XRN2: variants seen among roughly 807,000 people sequenced by gnomAD.
XRN2 encodes the protein 5'-3' exoribonuclease 2, also known as DHM1-like protein.
Under a neutral mutation model 138.5 loss-of-function variants are expected in XRN2, and 44 were observed. That is an observed-to-expected ratio of 0.32 (90% CI 0.25 to 0.41). The LOEUF (loss-of-function observed/expected upper bound fraction) is 0.41. Among genes scored for constraint, XRN2 ranks in the 10% least tolerant of loss-of-function variants. XRN2 has a pLI of 1.00. For missense variants in XRN2, 937 were observed against 1,169.3 expected (o/e 0.80, Z 2.90); for synonymous variants, 354 against 369.4 (o/e 0.96, Z 0.48).
rs1300235627 is a variant in XRN2, at chr20:21,389,365, T to C, written c.*27T>C. 4 of 1,596,956 alleles carry C rather than the reference T, an allele frequency of 2.5e-6. No homozygotes were observed. The highest frequency in any genetic ancestry group is 3.4e-6 in the Non-Finnish European group (4 of 1,170,554). On this transcript the variant is annotated 3_prime_UTR_variant, in exon 30 of 30. Coordinates refer to ENST00000377191, the MANE Select transcript of XRN2 (RefSeq NM_012255.5). ...CTTTTGTAAAGCTTTCCCAAATCCT[T>C]TCATCATTCTACAGTTTTATGCTAT...
At chr20:21,366,365 G>A (rs1448009188) in intron 26 of XRN2, among the ~76,000 whole-genome samples, 2 of 149,616 alleles carry the variant, frequency 1.3e-5, no homozygotes, top group South Asian at 2.1e-4. Flanking sequence ...GGCTAACACA[G>A]TGAAACCCCG....
At chr20:21,375,126 C>T (rs2038806288) in intron 27 of XRN2, among the ~76,000 whole-genome samples, 1 of 142,124 alleles carries the variant, frequency 7.0e-6, no homozygotes, top group African/African-American at 2.6e-5. Context: ...AAATTAAGTG[C>T]TGATACTGGT....
At chr20:21,329,784 G>A (rs1416802788) in intron 4 of XRN2, among the ~76,000 whole-genome samples, 1 of 150,582 alleles carries the variant, frequency 6.6e-6, no homozygotes, top group African/African-American at 2.4e-5. Flanking sequence ...TGATGAACTC[G>A]GCATTTTAAA....
Position 21,389,447 on chromosome 20 carries a change from G to C in XRN2, c.*109G>C. The C allele has an allele frequency of 9.9e-7, 1 of 1,009,326 alleles. No homozygotes were observed. Among genetic ancestry groups the C allele is most frequent in the Non-Finnish European group, 1.4e-6 (1 of 695,634 alleles). 62.5% of individuals were successfully genotyped at this position (1,009,326 alleles called of 1,614,324 possible). A position where few individuals can be genotyped will look rare whatever the true frequency, so the allele number is the denominator to read the frequency against. On this transcript the variant is annotated 3_prime_UTR_variant, in exon 30 of 30. Transcript: ENST00000377191. ...TTTTAATAAAACTACAGTACTTTGT[G>C]TATTTCTTTTAACTGTGTATATTTC...
chr20:21,365,721 T>C lies in XRN2; in HGVS notation c.2456+17T>C. On this transcript the variant is annotated intron_variant, in intron 26 of 29. Transcript: ENST00000377191. The stretch of plus-strand genomic sequence containing the variant: ...GACTTTGGGGTGAGTTGTCAGTTTT[T>C]AGCCCTTGTATATTTTGCTTTTTCT... 2 of 1,597,612 alleles carry C rather than the reference T, an allele frequency of 1.3e-6. No homozygotes were observed. Among genetic ancestry groups the C allele is most frequent in the East Asian group, 2.3e-5 (1 of 44,340 alleles).
chr20:21,351,896 T>A (rs901894142), intron 20 of XRN2, among the ~76,000 whole-genome samples: 1 of 152,228 alleles, frequency 6.6e-6, no homozygotes, highest in Non-Finnish European at 1.5e-5. Context: ...TTCTGGGCTG[T>A]CTATTCTAGT....
chr20:21,331,430 CACACACA>C, intron 6 of XRN2, 124 bp from the exon 7 acceptor site: 1 of 724,582 alleles, frequency 1.4e-6, no homozygotes, highest in East Asian at 2.7e-5. Flanking sequence ...CACACACACA[CACACACA>C]CCCTTATTCA....
Position 21,386,892 on chromosome 20 carries a change from C to T in XRN2, c.2673C>T (p.Leu891=). ...FDRGVGAEPL[L]PWNRMLQTQN... ...GAGGCGTTGGGGCTGAACCTCTGCT[C>T]CCATGGAACCGGATGCTGCAAACCC... The change falls in exon 29 of 30, where the codon CTC becomes CTT. Residue 891 remains leucine (L), a synonymous_variant. Transcript: ENST00000377191. 1 of 1,613,704 alleles carries T rather than the reference C, an allele frequency of 6.2e-7. No individual in the cohort carries two copies. The highest frequency in any genetic ancestry group is 8.5e-7 in the Non-Finnish European group (1 of 1,179,656).
At chr20:21,365,908 TATATA>T (rs1472583429) in intron 26 of XRN2, among the ~76,000 whole-genome samples, 1 of 123,274 alleles carries the variant, frequency 8.1e-6, no homozygotes, top group African/African-American at 3.1e-5. Context: ...ATATATATAA[TATATA>T]TAATATAATA....
At chr20:21,357,910 G>C in intron 24 of XRN2, 118 bp downstream of exon 24, 1 of 754,192 alleles carries the variant, frequency 1.3e-6, no homozygotes, top group Non-Finnish European at 2.1e-6. Context: ...AATGCTTCGA[G>C]ATTGGAGAGT....
chr20:21,352,547 T>A (rs1335935087), intron 20 of XRN2, among the ~76,000 whole-genome samples: 1 of 152,122 alleles, frequency 6.6e-6, no homozygotes, highest in Admixed American at 6.5e-5. Flanking sequence ...GCCAGGCTGG[T>A]CTCGAACTCC....
chr20:21,325,646 C>A (rs562938053), intron 1 of XRN2, among the ~76,000 whole-genome samples: 2 of 152,224 alleles, frequency 1.3e-5, no homozygotes, highest in South Asian at 2.1e-4. Context: ...CAGGAACTTA[C>A]AAGAGAGTGA....
At chr20:21,331,862 A>G in intron 8 of XRN2, 44 bp downstream of exon 8, 2 of 1,600,414 alleles carry the variant, frequency 1.2e-6, no homozygotes, top group Non-Finnish European at 1.7e-6. Flanking sequence ...ATTAAACCAT[A>G]GCAAGTTGAT....
chr20:21,351,224 T>C lies in XRN2; in HGVS notation c.1936+1763T>C, dbSNP rs139287667. 2.1e-3 allele frequency among the ~76,000 whole-genome samples: 321 copies of C among 152,348 alleles called. 1 individual carries two copies. Among genetic ancestry groups the C allele is most frequent in the African/African-American group, 7.6e-3 (315 of 41,578 alleles). On this transcript the variant is annotated intron_variant, in intron 20 of 29. Transcript: ENST00000377191. ...ACTCTAGGGGAAAAGTGAGATAATG[T>C]ACAAGAGTTCAGATTTCTTCACATC... is the stretch of plus-strand genomic sequence containing the variant.
At chr20:21,326,975 G>C (rs2038137272) in intron 3 of XRN2, among the ~76,000 whole-genome samples, 1 of 152,186 alleles carries the variant, frequency 6.6e-6, no homozygotes, top group African/African-American at 2.4e-5. Context: ...AGGATATAGA[G>C]AAGAGGTGAC....
intron 1 of XRN2, among the ~76,000 whole-genome samples, chr20:21,324,824 A>G (rs1032807107): frequency 6.6e-6 from 1 of 152,152 alleles, no homozygotes; most frequent in African/African-American, 2.4e-5. Flanking sequence ...TAACAGCTTT[A>G]TTGAGATATA....
chr20:21,362,723 G>A (rs150742768), intron 24 of XRN2, among the ~76,000 whole-genome samples: 6 of 152,174 alleles, frequency 3.9e-5, no homozygotes, highest in Non-Finnish European at 5.9e-5. Context: ...GCTCAAATGC[G>A]TTTTTACTCT....
chr20:21,321,301 CTGTG>C (rs61188840), intron 1 of XRN2, among the ~76,000 whole-genome samples: 18,466 of 121,226 alleles, frequency 0.15, 1,448 homozygotes, highest in East Asian at 0.17. Flanking sequence ...CTGTGCCTGG[CTGTG>C]TGTGTGTGTG....
rs1324545184 is a variant in XRN2, at chr20:21,348,254, G to T, written c.1773+1G>T. 1.2e-6 allele frequency: 2 copies of T among 1,613,368 alleles called. No homozygotes were observed. The highest frequency in any genetic ancestry group is 8.5e-7 in the Non-Finnish European group (1 of 1,179,814). On this transcript the variant is annotated splice_donor_variant, in intron 18 of 29. Transcript: ENST00000377191. LOFTEE classifies it high-confidence loss of function. ...TGATTTTGAGAAGGGTACGAAACCG[G>T]TAAGCTTAATTACTTAAAGTCATAA... is the stretch of plus-strand genomic sequence containing the variant.
Sources: gnomAD v4.1 joint callset for allele counts (sites outside exome capture counted in the v4.1 genomes callset) on GRCh38, gnomAD v4.1.1 for gene constraint, MANE v1.5 for transcripts, NCBI Gene and HGNC (gene_info 2026-07-23, HGNC 2026-07-21) for gene names.